LINGO2: variants seen among roughly 807,000 people sequenced by gnomAD.
LINGO2 encodes the protein leucine rich repeat and Ig domain containing 2, also known as leucine-rich repeat and immunoglobulin-like domain-containing nogo receptor-interacting protein 2.
A neutral mutation model predicts 30.6 loss-of-function variants in LINGO2; 14 were observed. The observed-to-expected ratio is 0.46, with a 90% confidence interval of 0.30 to 0.72. LINGO2 has a LOEUF of 0.72. Ranked by LOEUF, LINGO2 falls within the 30% of genes least tolerant of loss-of-function variation. The probability of loss-of-function intolerance (pLI) is 0.07; values close to 1 mark genes in which losing one functional copy is unlikely to be tolerated. For synonymous variants in LINGO2, 317 were observed against 288.5 expected (o/e 1.10, Z -1.00); for missense variants, 729 against 751.7 (o/e 0.97, Z 0.35).
intron 4 of LINGO2, among the ~76,000 whole-genome samples, chr9:28,144,668 C>T (rs553587902): frequency 6.6e-6 from 1 of 152,260 alleles, no homozygotes; most frequent in South Asian, 2.1e-4. Context: ...TTGCTGAGTG[C>T]TGGAAGATGG....
At chr9:28,883,000 G>A in the LINGO2 span, among the ~76,000 whole-genome samples, 3 of 152,090 alleles carry the variant, frequency 2.0e-5, no homozygotes, top group Admixed American at 2.0e-4. Context: ...ATACACAAAT[G>A]TGTTAACTGG....
At chr9:28,548,199 G>T (rs561974525) in intron 1 of LINGO2, among the ~76,000 whole-genome samples, 1 of 152,016 alleles carries the variant, frequency 6.6e-6, no homozygotes, top group Non-Finnish European at 1.5e-5. Flanking sequence ...TTATATTAAA[G>T]TTAGGTGTCC....
At chr9:28,161,606 C>G (rs892281880) in intron 4 of LINGO2, among the ~76,000 whole-genome samples, 2 of 151,964 alleles carry the variant, frequency 1.3e-5, no homozygotes, top group Non-Finnish European at 2.9e-5. Context: ...TATAATTCTC[C>G]ATCTCGATGT....
chr9:28,388,299 C>T (rs1167303053), intron 2 of LINGO2, among the ~76,000 whole-genome samples: 2 of 151,932 alleles, frequency 1.3e-5, no homozygotes, highest in Non-Finnish European at 2.9e-5. Flanking sequence ...CCCCATTATC[C>T]CCCTCTATTC....
chr9:28,090,157 C>G (rs1359997576), intron 4 of LINGO2, among the ~76,000 whole-genome samples: 1 of 152,162 alleles, frequency 6.6e-6, no homozygotes, highest in Non-Finnish European at 1.5e-5. Context: ...GGTACCATTC[C>G]TTCTGAAACT....
At chr9:28,638,281 T>C (rs1827385155) in intron 1 of LINGO2, among the ~76,000 whole-genome samples, 1 of 152,142 alleles carries the variant, frequency 6.6e-6, no homozygotes, top group Non-Finnish European at 1.5e-5. Context: ...TAAAATTCTC[T>C]TTTTTTGTTG....
the LINGO2 span, among the ~76,000 whole-genome samples, chr9:28,896,758 G>A: frequency 6.6e-6 from 1 of 152,002 alleles, no homozygotes; most frequent in Non-Finnish European, 1.5e-5. Context: ...TATGATACTT[G>A]TATCATATTA....
At chr9:29,209,121 C>T in the LINGO2 span, among the ~76,000 whole-genome samples, 7 of 152,076 alleles carry the variant, frequency 4.6e-5, no homozygotes, top group African/African-American at 1.7e-4. Context: ...ATTACATTGG[C>T]CAATTTGTTC....
chr9:27,950,130 T>C (rs1823574104), exon 6 of LINGO2: 4 of 1,614,098 alleles, frequency 2.5e-6, no homozygotes, highest in Non-Finnish European at 3.4e-6. Flanking sequence ...CAGGGTGAGC[T>C]GCTCCAAGCT....
chr9:28,479,346 T>C (rs769918879), intron 1 of LINGO2, among the ~76,000 whole-genome samples: 1 of 151,986 alleles, frequency 6.6e-6, no homozygotes, highest in Non-Finnish European at 1.5e-5. Flanking sequence ...TAGCCAATTA[T>C]ATTACAAAAG....
chr9:28,737,962 G>A, the LINGO2 span, among the ~76,000 whole-genome samples: 3 of 152,196 alleles, frequency 2.0e-5, no homozygotes, highest in South Asian at 2.1e-4. Context: ...ACCCAGCACC[G>A]ATTCCAACAT....
chr9:28,771,418 CT>C, the LINGO2 span, among the ~76,000 whole-genome samples: 1,090 of 150,870 alleles, frequency 7.2e-3, 12 homozygotes, highest in African/African-American at 0.025. Context: ...AATTCTCCCC[CT>C]GTCTCCTTTC....
chr9:28,845,977 C>CA, the LINGO2 span, among the ~76,000 whole-genome samples: 1 of 144,140 alleles, frequency 6.9e-6, no homozygotes, highest in Non-Finnish European at 1.5e-5. Context: ...GTTATAATGA[C>CA]AAAATCCTAG....
chr9:29,066,249 T>C, the LINGO2 span, among the ~76,000 whole-genome samples: 2 of 151,910 alleles, frequency 1.3e-5, no homozygotes, highest in Admixed American at 1.3e-4. Context: ...CTATAGAGAA[T>C]TCAGTTAATT....
intron 1 of LINGO2, among the ~76,000 whole-genome samples, chr9:28,616,960 T>G (rs73443341): frequency 0.048 from 7,277 of 152,276 alleles, 432 homozygotes; most frequent in African/African-American, 0.13. Context: ...TTGTTTGTTT[T>G]TTTTCTTTCT....
At chr9:28,222,825 T>C (rs1457190331) in intron 4 of LINGO2, among the ~76,000 whole-genome samples, 1 of 152,018 alleles carries the variant, frequency 6.6e-6, no homozygotes, top group African/African-American at 2.4e-5. Flanking sequence ...GTTTCCAAAA[T>C]CAAGATATGA....
At chr9:28,825,737 T>G in the LINGO2 span, among the ~76,000 whole-genome samples, 4 of 152,172 alleles carry the variant, frequency 2.6e-5, no homozygotes, top group Non-Finnish European at 4.4e-5. Context: ...CTGCTTTCTA[T>G]GCCAGCCTCA....
intron 2 of LINGO2, among the ~76,000 whole-genome samples, chr9:28,464,362 C>A (rs1426244685): frequency 1.3e-5 from 2 of 152,102 alleles, no homozygotes; most frequent in Non-Finnish European, 2.9e-5. Context: ...CAAAATAAAT[C>A]TAAGTTTTAT....
rs148464378 is a variant in LINGO2 at position 28,553,999 on chromosome 9, C to T, written c.-364-77974G>A. Among the ~76,000 whole-genome samples, 162 of 152,106 alleles carry T rather than the reference C, an allele frequency of 1.1e-3. 1 individual carries two copies. Among genetic ancestry groups the T allele is most frequent in the African/African-American group, 3.5e-3 (146 of 41,542 alleles). ...GCCCTAAAAGAGCTGCTGAAGGAAG[C>T]GCTAAACTTAGAAAGGAACAACTGG... On this transcript the variant is annotated intron_variant, in intron 1 of 5. Coordinates refer to ENST00000379992, the Ensembl canonical transcript of LINGO2.
Sources: allele counts gnomAD v4.1 joint callset (sites outside exome capture counted in the v4.1 genomes callset), GRCh38; gene constraint gnomAD v4.1.1; transcripts MANE v1.5; gene names NCBI Gene and HGNC (gene_info 2026-07-23, HGNC 2026-07-21).